Variants in ZNF804B observed in about 807,000 individuals in gnomAD.
ZNF804B encodes the protein zinc finger 804B.
In ZNF804B, 80 loss-of-function variants were observed where a neutral mutation model predicts 101.4. The observed-to-expected ratio is 0.79, with a 90% CI of 0.66 to 0.95. ZNF804B has a LOEUF of 0.95. ZNF804B is among the 40% of genes least tolerant of loss of function. The probability of loss-of-function intolerance (pLI) is 0.00; values close to 1 mark genes in which losing one functional copy is unlikely to be tolerated. For missense variants in ZNF804B, 1,673 were observed against 1,561.9 expected (o/e 1.07, Z -1.20); for synonymous variants, 622 against 558.8 (o/e 1.11, Z -1.59).
intron 1 of ZNF804B, among the ~76,000 whole-genome samples, chr7:89,020,551 G>T (rs1383363280): frequency 6.6e-6 from 1 of 152,034 alleles, no homozygotes; most frequent in Non-Finnish European, 1.5e-5. Context: ...GGGTCTGTTT[G>T]GCTTAAATCT....
chr7:88,945,199 T>C (rs181731096), intron 1 of ZNF804B, among the ~76,000 whole-genome samples: 1 of 152,104 alleles, frequency 6.6e-6, no homozygotes, highest in Non-Finnish European at 1.5e-5. Context: ...CTAGGTTTCC[T>C]TCTAGGGTTT....
intron 1 of ZNF804B, among the ~76,000 whole-genome samples, chr7:88,846,935 T>TACACAC (rs34253376): frequency 1.0e-4 from 15 of 149,654 alleles, no homozygotes; most frequent in African/African-American, 2.9e-4. Context: ...TAAATGTGTA[T>TACACAC]ACACACACAC....
intron 1 of ZNF804B, among the ~76,000 whole-genome samples, chr7:89,022,428 G>T (rs529398321): frequency 6.6e-6 from 1 of 152,212 alleles, no homozygotes; most frequent in East Asian, 1.9e-4. Flanking sequence ...AGATGATCCT[G>T]ATTTTCTTTA....
chr7:88,791,298 C>T (rs780891410), intron 1 of ZNF804B, among the ~76,000 whole-genome samples: 19 of 151,926 alleles, frequency 1.3e-4, no homozygotes, highest in South Asian at 2.1e-4. Context: ...GACTCCTATA[C>T]GGGGTAAATT....
At chr7:88,919,615 T>C (rs1211591625) in intron 1 of ZNF804B, among the ~76,000 whole-genome samples, 2 of 152,160 alleles carry the variant, frequency 1.3e-5, no homozygotes, top group African/African-American at 4.8e-5. Flanking sequence ...TTCATTTCTG[T>C]GATTCCTCAT....
chr7:88,920,767 A>C (rs1792707874), intron 1 of ZNF804B, among the ~76,000 whole-genome samples: 1 of 152,000 alleles, frequency 6.6e-6, no homozygotes, highest in African/African-American at 2.4e-5. Context: ...TACAGATATT[A>C]ATTAATTCAT....
At chr7:88,873,587 G>A (rs2115886408) in intron 1 of ZNF804B, among the ~76,000 whole-genome samples, 1 of 152,186 alleles carries the variant, frequency 6.6e-6, no homozygotes, top group African/African-American at 2.4e-5. Flanking sequence ...TTCTTCTAGG[G>A]TTTTTATGGT....
chr7:89,274,485 T>A (rs977994505), intron 2 of ZNF804B, among the ~76,000 whole-genome samples: 4 of 150,556 alleles, frequency 2.7e-5, no homozygotes, highest in Non-Finnish European at 5.9e-5. Context: ...ACAAAGGACA[T>A]GAACTCATCA....
At chr7:88,781,078 G>A (rs1263006557) in intron 1 of ZNF804B, among the ~76,000 whole-genome samples, 1 of 152,064 alleles carries the variant, frequency 6.6e-6, no homozygotes, top group Non-Finnish European at 1.5e-5. Context: ...CCATAAAAGC[G>A]ACACAAGTCT....
At chr7:89,163,108 A>T (rs1791092207) in intron 1 of ZNF804B, among the ~76,000 whole-genome samples, 1 of 152,152 alleles carries the variant, frequency 6.6e-6, no homozygotes. Context: ...GAAAGTTCTT[A>T]ATCAAAATGG....
intron 2 of ZNF804B, among the ~76,000 whole-genome samples, chr7:89,235,842 T>C (rs1477735253): frequency 6.6e-6 from 1 of 152,094 alleles, no homozygotes; most frequent in South Asian, 2.1e-4. Context: ...AATGTCTTTG[T>C]ACTCAGAACA....
intron 2 of ZNF804B, among the ~76,000 whole-genome samples, chr7:89,275,972 G>A (rs1234625080): frequency 6.6e-6 from 1 of 151,808 alleles, no homozygotes; most frequent in Non-Finnish European, 1.5e-5. Flanking sequence ...TAAACACCAT[G>A]GAATACTATG....
intron 1 of ZNF804B, among the ~76,000 whole-genome samples, chr7:89,088,831 T>C (rs1438003593): frequency 6.6e-6 from 1 of 151,752 alleles, no homozygotes; most frequent in Non-Finnish European, 1.5e-5. Context: ...TGATGTTTTC[T>C]TCCTTCTTCT....
Position 88,970,016 on chromosome 7 carries a change from TTTCCCTTCATTTCCCTTTTCTCC to T in ZNF804B, c.108+209960_108+209982del, listed in dbSNP as rs1257317678. 4.6e-5 allele frequency among the ~76,000 whole-genome samples: 7 copies of T among 151,488 alleles called. No homozygotes were observed. In the South Asian group the frequency reaches 6.2e-4, roughly 13 times the overall value. ...CTCTTCCTCCTTTGCTCCTTTTCTC[TTTCCCTTCATTTCCCTTTTCTCC>T]TTCCCTTCATTTCCCTTTTCTCCTT... is the stretch of plus-strand genomic sequence containing the variant. On this transcript the variant is annotated intron_variant, in intron 1 of 3. Coordinates refer to ENST00000333190, the MANE Select transcript of ZNF804B (RefSeq NM_181646.5).
At chr7:89,017,347 G>A (rs570263418) in intron 1 of ZNF804B, among the ~76,000 whole-genome samples, 1 of 152,140 alleles carries the variant, frequency 6.6e-6, no homozygotes, top group South Asian at 2.1e-4. Flanking sequence ...CTGCCTTACT[G>A]CCCTGGCCAG....
chr7:89,137,209 G>C (rs1038553930), intron 1 of ZNF804B, among the ~76,000 whole-genome samples: 1 of 152,038 alleles, frequency 6.6e-6, no homozygotes, highest in Non-Finnish European at 1.5e-5. Context: ...GCAGGGGCTG[G>C]AACGGTTTGG....
intron 1 of ZNF804B, among the ~76,000 whole-genome samples, chr7:89,069,544 A>G (rs1413721374): frequency 6.6e-6 from 1 of 152,174 alleles, no homozygotes; most frequent in African/African-American, 2.4e-5. Context: ...TATCACATAA[A>G]AATTTTGTAC....
chr7:89,300,843 G>T (rs778751993), intron 2 of ZNF804B, among the ~76,000 whole-genome samples: 4 of 151,872 alleles, frequency 2.6e-5, no homozygotes, highest in African/African-American at 4.8e-5. Context: ...TGCTCTGTTT[G>T]TATTGTAAAC....
chr7:89,323,767 G>T (rs191394549), intron 2 of ZNF804B, among the ~76,000 whole-genome samples: 1 of 152,080 alleles, frequency 6.6e-6, no homozygotes, highest in African/African-American at 2.4e-5. Flanking sequence ...GTGTGTAAAT[G>T]TGTAAAGTAG....
Sources: gnomAD v4.1 joint callset for allele counts (sites outside exome capture counted in the v4.1 genomes callset) on GRCh38, gnomAD v4.1.1 for gene constraint, MANE v1.5 for transcripts, NCBI Gene and HGNC (gene_info 2026-07-23, HGNC 2026-07-21) for gene names.